The following PDCD7 variants were observed in gnomAD, a reference collection of about 807,000 sequenced individuals.
The protein encoded by PDCD7 is programmed cell death 7, also known as programmed cell death protein 7.
PDCD7 carries 40 observed loss-of-function variants against 42.1 expected under a neutral mutation model. The ratio of observed to expected loss-of-function variants is 0.95; its 90% CI spans 0.74 to 1.24. PDCD7 has a LOEUF of 1.24. Ranked by LOEUF, PDCD7 falls within the 50% of genes most tolerant of loss-of-function variation. The pLI is 0.00. For missense variants in PDCD7, 644 were observed against 662.8 expected (o/e 0.97, Z 0.31); for synonymous variants, 299 against 303.3 (o/e 0.99, Z 0.15).
intron 1 of PDCD7, 30 bp downstream of exon 1, chr15:65,132,882 C>T: frequency 6.2e-7 from 1 of 1,600,064 alleles, no homozygotes; most frequent in Non-Finnish European, 8.5e-7. Flanking sequence ...CACCACCACT[C>T]CTACCCCCAT....
rs779528128 is a variant in PDCD7 at position 65,118,809 on chromosome 15, C to T, written c.1366G>A (p.Asp456Asn). 16 of 1,609,830 alleles carry T rather than the reference C, an allele frequency of 9.9e-6. No homozygotes were observed. The highest frequency in any genetic ancestry group is 1.4e-5 in the Non-Finnish European group (16 of 1,178,252). The change falls in exon 5 of 5, where the codon GAT (aspartate) becomes AAT (asparagine). Residue 456 changes from aspartate to asparagine, a missense_variant. Transcript: ENST00000204549. ...GGAACGAAGTTGCCTTTGGGATGAT[C>T]GGATGGCACCAGGTACTGATCCCAA... ...HDWDQYLVPS[D>N]HPKGNFVPQG...
Position 65,133,596 on chromosome 15 carries a change from C to T in PDCD7, c.186G>A (p.Leu62=), listed in dbSNP as rs946816617. Residue 62 remains leucine (L), a synonymous_variant, in exon 1 of 5, where the codon CTG becomes CTA. Coordinates refer to ENST00000204549, the MANE Select transcript of PDCD7 (RefSeq NM_005707.2). ...AGGCCTCCGCGGAGGCTCGGGGCTG[C>T]AGAGCCAGCGGAGGCTGAAGGAAGG... The part of the protein sequence containing the change: ...SAPFLQPPLA[L]QPRASAEASR... 4 of 1,236,364 alleles carry T rather than the reference C, an allele frequency of 3.2e-6. No homozygotes were observed. The highest frequency in any genetic ancestry group is 4.2e-5 in the Admixed American group (1 of 23,696). The allele number at this position is 1,236,364 out of a possible 1,614,324, so 76.6% of individuals were successfully genotyped here. A position where few individuals can be genotyped will look rare whatever the true frequency, so the allele number is the denominator to read the frequency against.
intron 1 of PDCD7, among the ~76,000 whole-genome samples, chr15:65,130,632 T>C (rs1410264505): frequency 7.2e-5 from 11 of 152,214 alleles, no homozygotes; most frequent in Non-Finnish European, 4.4e-5. Flanking sequence ...TGGATTACTC[T>C]GTTTCCCTGG....
At position 65,133,577 on chromosome 15, in the gene PDCD7, C is replaced by T; in HGVS notation, c.205G>A (p.Glu69Lys). Reference protein sequence around the residue: ...PLALQPRASAEASRGGGGAGA... With the variant: ...PLALQPRASAKASRGGGGAGA... Reference sequence around the variant, plus strand: ...GCGCCGCCTCCGCCGCGGGAGGCCTCCGCGGAGGCTCGGGGCTGCAGAGCC... The same window carrying T: ...GCGCCGCCTCCGCCGCGGGAGGCCTTCGCGGAGGCTCGGGGCTGCAGAGCC... The change falls in exon 1 of 5, where the codon GAG becomes AAG. Residue 69 changes from glutamate to lysine, a missense_variant. Physicochemically the swap from Glu to Lys is moderately conservative, Grantham distance 56 (BLOSUM62 1). Coordinates refer to ENST00000204549, the MANE Select transcript of PDCD7 (RefSeq NM_005707.2). 8.1e-7 allele frequency: 1 copy of T among 1,231,856 alleles called. No individual in the cohort carries two copies. Among genetic ancestry groups the T allele is most frequent in the Non-Finnish European group, 1.0e-6 (1 of 987,530 alleles). 76.3% of individuals were successfully genotyped at this position (1,231,856 alleles called of 1,614,324 possible).
chr15:65,129,915 ATTTTTTTTTTTTTT>A (rs746709395), intron 1 of PDCD7, among the ~76,000 whole-genome samples: 23 of 84,960 alleles, frequency 2.7e-4, no homozygotes, highest in African/African-American at 8.8e-4. Context: ...GAAACTTTGT[ATTTTTTTTTTTTTT>A]TTTTTTTTTT....
chr15:65,120,765 C>T (rs1435477006), intron 2 of PDCD7, among the ~76,000 whole-genome samples: 1 of 152,058 alleles, frequency 6.6e-6, no homozygotes, highest in Non-Finnish European at 1.5e-5. Flanking sequence ...CCAGGCTAAT[C>T]TCTAACTCCT....
chr15:65,121,912 C>T (rs1353746677), intron 2 of PDCD7, among the ~76,000 whole-genome samples: 1 of 152,182 alleles, frequency 6.6e-6, no homozygotes, highest in African/African-American at 2.4e-5. Context: ...CAATTGTGCA[C>T]TCACTACCAT....
In PDCD7 at chr15:65,117,417, T is replaced by C. The variant is rs964462491; in HGVS notation, c.*1300A>G. On this transcript the variant is annotated 3_prime_UTR_variant, in exon 5 of 5. Coordinates refer to ENST00000204549, the MANE Select transcript of PDCD7 (RefSeq NM_005707.2). ...TGATTTTTATTTAGTTTTTTGGAAA[T>C]ATAACAAAATAATTGGCAAAAACCA... 2 of 152,018 alleles carry C rather than the reference T, an allele frequency of 1.3e-5. No homozygotes were observed. The highest frequency in any genetic ancestry group is 2.4e-5 in the African/African-American group (1 of 41,354). The allele number at this position is 152,018 out of a possible 1,614,324, so 9.4% of individuals were successfully genotyped here. A position where few individuals can be genotyped will look rare whatever the true frequency, so the allele number is the denominator to read the frequency against.
intron 2 of PDCD7, among the ~76,000 whole-genome samples, chr15:65,127,609 A>C (rs2087507470): frequency 6.6e-6 from 1 of 152,238 alleles, no homozygotes; most frequent in South Asian, 2.1e-4. Context: ...GGAGGTGCAC[A>C]CATCTTGAAG....
intron 2 of PDCD7, 48 bp downstream of exon 2, chr15:65,128,984 G>A (rs1444152409): frequency 1.2e-6 from 2 of 1,604,916 alleles, no homozygotes; most frequent in South Asian, 2.2e-5. Context: ...AGGAGCTAGA[G>A]TAAAGAAGGG....
rs1414049726 is a variant in PDCD7, at chr15:65,133,545, G to C, written c.237C>G (p.Ala79=). The part of the protein sequence containing the change: ...EASRGGGGAG[A]FYPVPPPPLP... ...GCGGCGGTGGTGGCACCGGGTAGAA[G>C]GCGCCAGCGCCGCCTCCGCCGCGGG... The change falls in exon 1 of 5, where the codon GCC becomes GCG. Residue 79 remains alanine (A), a synonymous_variant. Transcript: ENST00000204549. The C allele has an allele frequency of 8.1e-7, 1 of 1,229,190 alleles. No homozygotes were observed. 76.1% of individuals were successfully genotyped at this position (1,229,190 alleles called of 1,614,324 possible). A position where few individuals can be genotyped will look rare whatever the true frequency, so the allele number is the denominator to read the frequency against.
intron 1 of PDCD7, among the ~76,000 whole-genome samples, chr15:65,130,122 G>A (rs1284014797): frequency 6.7e-6 from 1 of 149,810 alleles, no homozygotes; most frequent in Non-Finnish European, 1.5e-5. Flanking sequence ...GGGATTACAG[G>A]AGTGAGCCAC....
chr15:65,124,555 ACACCAATGC>A (rs1399966771), intron 2 of PDCD7, among the ~76,000 whole-genome samples: 2 of 152,114 alleles, frequency 1.3e-5, no homozygotes, highest in African/African-American at 4.8e-5. Flanking sequence ...CAGCTCCTAG[ACACCAATGC>A]CTTTGCCTCT....
Position 65,118,763 on chromosome 15 carries a change from G to A in PDCD7, c.1412C>T (p.Pro471Leu), listed in dbSNP as rs61756022. Residue 471 changes from proline (P) to leucine (L), a missense_variant, in exon 5 of 5, where the codon CCG becomes CTG. Pro to Leu is a moderately conservative substitution (Grantham distance 98, BLOSUM62 -3). Coordinates refer to ENST00000204549, the MANE Select transcript of PDCD7 (RefSeq NM_005707.2). The part of the protein sequence containing the change: ...NFVPQGWVLP[P>L]LPSNDIWATA... ...TGCCCAGATGTCGTTGCTGGGGAGC[G>A]GGGGAAGGACCCATCCTTGGGGAAC... The A allele has an allele frequency of 2.9e-5, 46 of 1,608,978 alleles. No individual in the cohort carries two copies. Among genetic ancestry groups the A allele is most frequent in the African/African-American group, 2.1e-4 (16 of 74,636 alleles).
rs756686999 is a variant in PDCD7, at chr15:65,133,058, C to T, written c.724G>A (p.Val242Ile). The change falls in exon 1 of 5, where the codon GTC becomes ATC. Residue 242 changes from valine (V) to isoleucine (I), a missense_variant. Coordinates refer to ENST00000204549, the MANE Select transcript of PDCD7 (RefSeq NM_005707.2). ...VGEARRRLER[V>I]RRRRLRLRER... Reference sequence around the variant, plus strand: ...CGAAGCCGCAGCCGGCGGCGCCGGACCCTCTCCAGCCTCCTCCGCGCCTCG... The same window carrying T: ...CGAAGCCGCAGCCGGCGGCGCCGGATCCTCTCCAGCCTCCTCCGCGCCTCG... 7 of 1,585,826 alleles carry T rather than the reference C, an allele frequency of 4.4e-6. No homozygotes were observed. In the Admixed American group the frequency reaches 1.0e-4, roughly 23 times the overall value.
rs760718086 is a variant in PDCD7 at position 65,119,920 on chromosome 15, A to G, written c.1044T>C (p.Phe348=). The G allele has an allele frequency of 1.2e-6, 2 of 1,614,016 alleles. No individual in the cohort carries two copies. The highest frequency in any genetic ancestry group is 1.7e-6 in the Non-Finnish European group (2 of 1,180,030). The change falls in exon 3 of 5, where the codon TTT becomes TTC. Residue 348 remains phenylalanine, a synonymous_variant. Transcript: ENST00000204549. ...VCPPASADET[F]THHLQRLRKL... is the part of the protein sequence containing the mutation. ...TTCTCAGTCGCTGAAGATGATGCGT[A>G]AAAGTCTCATCTGCTGAGGCTGGAG...
chr15:65,133,258 C>A lies in PDCD7; in HGVS notation c.524G>T (p.Arg175Leu). Residue 175 changes from arginine to leucine, a missense_variant, in exon 1 of 5, where the codon CGC (arginine) becomes CTC (leucine). Coordinates refer to ENST00000204549, the MANE Select transcript of PDCD7 (RefSeq NM_005707.2). ...THAGPSLGEV[R>L]ARLLRALRLV... is the part of the protein sequence containing the mutation. ...GCGCAGAGCCCGGAGCAATCGCGCGCGCACTTCGCCAAGGCTGGGCCCGGC... is the reference window on the plus strand; with the variant it reads ...GCGCAGAGCCCGGAGCAATCGCGCGAGCACTTCGCCAAGGCTGGGCCCGGC... The A allele has an allele frequency of 7.5e-7, 1 of 1,340,622 alleles. No homozygotes were observed. Among genetic ancestry groups the A allele is most frequent in the Non-Finnish European group, 9.5e-7 (1 of 1,053,472 alleles). 83.0% of individuals were successfully genotyped at this position (1,340,622 alleles called of 1,614,324 possible). A position where few individuals can be genotyped will look rare whatever the true frequency, so the allele number is the denominator to read the frequency against.
chr15:65,125,695 G>A (rs534591572), intron 2 of PDCD7, among the ~76,000 whole-genome samples: 8 of 152,154 alleles, frequency 5.3e-5, no homozygotes, highest in Admixed American at 3.3e-4. Context: ...TAATCCTCAC[G>A]ACACCCCATG....
In PDCD7 at chr15:65,133,320, C is replaced by CG; in HGVS notation, c.461dup (p.Arg155AlafsTer121). 1 of 1,292,638 alleles carries CG rather than the reference C, an allele frequency of 7.7e-7. No homozygotes were observed. The highest frequency in any genetic ancestry group is 9.8e-7 in the Non-Finnish European group (1 of 1,023,092). 80.1% of individuals were successfully genotyped at this position (1,292,638 alleles called of 1,614,324 possible). On this transcript the variant is annotated frameshift_variant, in exon 1 of 5. Transcript: ENST00000204549. LOFTEE classifies it high-confidence loss of function. ...GGGGCACCGGACAGCCTGCCCGCCG[C>CG]GGGGTCCCGAACACCGCCTCCAGCC...
Sources: allele counts gnomAD v4.1 joint callset (sites outside exome capture counted in the v4.1 genomes callset), GRCh38; gene constraint gnomAD v4.1.1; transcripts MANE v1.5; gene names NCBI Gene and HGNC (gene_info 2026-07-23, HGNC 2026-07-21).